CPT1A: variants seen among roughly 807,000 people sequenced by gnomAD.
The protein encoded by CPT1A is carnitine palmitoyltransferase 1A.
CPT1A carries 64 observed loss-of-function variants against 100.8 expected under a neutral mutation model. The ratio of observed to expected loss-of-function variants is 0.63; its 90% CI spans 0.52 to 0.78. The LOEUF is 0.78. CPT1A is among the 30% of genes least tolerant of loss of function. The probability of loss-of-function intolerance (pLI) is 0.00; values close to 1 mark genes in which losing one functional copy is unlikely to be tolerated. For missense variants in CPT1A, 802 were observed against 1,034.1 expected (o/e 0.78, Z 3.08); for synonymous variants, 363 against 396.0 (o/e 0.92, Z 0.99).
In CPT1A at chr11:68,773,127, C is replaced by T. The variant is rs113604129; in HGVS notation, c.1740+138G>A. The T allele has an allele frequency of 2.2e-4, 331 of 1,486,902 alleles. 1 individual carries two copies. The African/African-American group carries it at 4.0e-3, about 18-fold the overall frequency. The allele number at this position is 1,486,902 out of a possible 1,614,324, so 92.1% of individuals were successfully genotyped here. A position where few individuals can be genotyped will look rare whatever the true frequency, so the allele number is the denominator to read the frequency against. Reference sequence around the variant, plus strand: ...GAAACACCCAACGCCACCCGGCCCCCGGAGACCGGGGTCGGGGGGAGCTGT... The same window carrying T: ...GAAACACCCAACGCCACCCGGCCCCTGGAGACCGGGGTCGGGGGGAGCTGT... On this transcript the variant is annotated intron_variant, in intron 14 of 18. Transcript: ENST00000265641.
intron 14 of CPT1A, among the ~76,000 whole-genome samples, chr11:68,763,665 C>T (rs1009903455): frequency 2.6e-5 from 4 of 152,054 alleles, no homozygotes; most frequent in Non-Finnish European, 4.4e-5. Flanking sequence ...CAGAAGAAAG[C>T]GGGCCTGCTG....
At chr11:68,829,045 T>G (rs541267875) in intron 1 of CPT1A, among the ~76,000 whole-genome samples, 1 of 152,254 alleles carries the variant, frequency 6.6e-6, no homozygotes, top group South Asian at 2.1e-4. Context: ...CTTCACCAGC[T>G]GACAATGAAT....
intron 9 of CPT1A, among the ~76,000 whole-genome samples, chr11:68,791,599 C>T (rs769063548): frequency 2.0e-5 from 3 of 152,072 alleles, no homozygotes; most frequent in Non-Finnish European, 4.4e-5. Flanking sequence ...TGCAGTGGCA[C>T]AATCTCAGTT....
At chr11:68,805,490 C>T (rs1323481216) in intron 4 of CPT1A, among the ~76,000 whole-genome samples, 2 of 151,886 alleles carry the variant, frequency 1.3e-5, no homozygotes, top group Admixed American at 1.3e-4. Context: ...AGTGGAGTCC[C>T]GGTGTGTGGT....
intron 11 of CPT1A, 33 bp from the exon 12 acceptor site, chr11:68,780,778 G>C: frequency 6.4e-7 from 1 of 1,559,756 alleles, no homozygotes; most frequent in Non-Finnish European, 8.8e-7. Context: ...GAACTTAAGT[G>C]TTTAAAGAGG....
chr11:68,755,197 T>C lies in CPT1A; in HGVS notation c.*2447A>G, dbSNP rs897228542. On this transcript the variant is annotated 3_prime_UTR_variant, in exon 19 of 19. Coordinates refer to ENST00000265641, the MANE Select transcript of CPT1A (RefSeq NM_001876.4). ...AAAACCTGAGAGAGAAACCCAAATA[T>C]GTTTAAGCACTCACGTCTACACTCA... is the stretch of plus-strand genomic sequence containing the variant. 3 of 278,990 alleles carry C rather than the reference T, an allele frequency of 1.1e-5. No homozygotes were observed. In the Admixed American group the frequency reaches 1.4e-4, roughly 13 times the overall value. 17.3% of individuals were successfully genotyped at this position (278,990 alleles called of 1,614,324 possible). A position where few individuals can be genotyped will look rare whatever the true frequency, so the allele number is the denominator to read the frequency against.
At chr11:68,772,966 T>G (rs1440277038) in intron 14 of CPT1A, among the ~76,000 whole-genome samples, 3 of 152,162 alleles carry the variant, frequency 2.0e-5, no homozygotes, top group South Asian at 2.1e-4. Flanking sequence ...CGGGGCTTAT[T>G]ATGGGGCTTA....
chr11:68,819,647 G>A (rs1476694409), intron 1 of CPT1A, among the ~76,000 whole-genome samples: 1 of 152,218 alleles, frequency 6.6e-6, no homozygotes, highest in African/African-American at 2.4e-5. Context: ...CTGATAGGAA[G>A]AGTCAGACTG....
rs182698117 is a variant in CPT1A, at chr11:68,780,321, C to T, written c.1458+319G>A. Among the ~76,000 whole-genome samples the T allele has an allele frequency of 6.9e-4, 105 of 152,300 alleles. 1 individual carries two copies. The highest frequency in any genetic ancestry group is 6.6e-3 in the Admixed American group (101 of 15,292). The stretch of plus-strand genomic sequence containing the variant: ...TTTTTGAGACAGAGTCTCGCTCTGT[C>T]GCCCAGGCCGGAGTGCAGTGGCACG... On this transcript the variant is annotated intron_variant, in intron 12 of 18. Coordinates refer to ENST00000265641, the MANE Select transcript of CPT1A (RefSeq NM_001876.4).
At chr11:68,769,351 C>A (rs1426900750) in intron 14 of CPT1A, among the ~76,000 whole-genome samples, 2 of 152,182 alleles carry the variant, frequency 1.3e-5, no homozygotes, top group Admixed American at 6.5e-5. Context: ...ATCCTCCCAC[C>A]TTAGCCTCCG....
At chr11:68,776,756 G>A (rs574698443) in intron 12 of CPT1A, among the ~76,000 whole-genome samples, 40 of 152,322 alleles carry the variant, frequency 2.6e-4, no homozygotes, top group East Asian at 9.7e-4. Flanking sequence ...ATGCACGCCT[G>A]TAATCCCAGC....
At chr11:68,785,956 T>G (rs1373677076) in intron 9 of CPT1A, 1 of 699,014 alleles carries the variant, frequency 1.4e-6, no homozygotes, top group Non-Finnish European at 2.6e-6. Flanking sequence ...TGAAGTACGT[T>G]CACTCCACGA....
Position 68,841,019 on chromosome 11 carries a change from T to C in CPT1A, c.-14+756A>G, listed in dbSNP as rs1857146767. On this transcript the variant is annotated intron_variant, in intron 1 of 18. Transcript: ENST00000265641. The surrounding 1 kb of genome is among the most constrained non-coding windows in gnomAD (Gnocchi z 6.3). Reference sequence around the variant, plus strand: ...GGCACTGGGCCCGGCACCCTCATCCTGCTCACGGCAGCGCTCGGACCGCGC... The same window carrying C: ...GGCACTGGGCCCGGCACCCTCATCCCGCTCACGGCAGCGCTCGGACCGCGC... Among the ~76,000 whole-genome samples, 1 of 152,320 alleles carries C rather than the reference T, an allele frequency of 6.6e-6. No individual in the cohort carries two copies. Among genetic ancestry groups the C allele is most frequent in the East Asian group, 1.9e-4 (1 of 5,178 alleles).
rs138740741 is a variant in CPT1A, at chr11:68,789,437, C to T, written c.967+3878G>A. The stretch of plus-strand genomic sequence containing the variant: ...TTTTTGACAGGGTCTTGCTCTGTCA[C>T]CCAGGCTGGAGTGCAGTGGTGCGAT... On this transcript the variant is annotated intron_variant, in intron 9 of 18. Transcript: ENST00000265641. Among the ~76,000 whole-genome samples, 989 of 152,064 alleles carry T rather than the reference C, an allele frequency of 6.5e-3. 14 individuals carry two copies. The highest frequency in any genetic ancestry group is 0.022 in the African/African-American group (893 of 41,466).
At chr11:68,833,011 T>C (rs777739863) in intron 1 of CPT1A, among the ~76,000 whole-genome samples, 4 of 152,150 alleles carry the variant, frequency 2.6e-5, no homozygotes, top group Non-Finnish European at 5.9e-5. Flanking sequence ...TACAACACAT[T>C]CTTGGATGCC....
At chr11:68,818,196 A>C (rs1271101350) in intron 1 of CPT1A, among the ~76,000 whole-genome samples, 1 of 152,104 alleles carries the variant, frequency 6.6e-6, no homozygotes. Context: ...AATGACCCAC[A>C]CAAGACAGTC....
chr11:68,821,737 TC>T (rs1217889945), intron 1 of CPT1A, among the ~76,000 whole-genome samples: 3 of 152,230 alleles, frequency 2.0e-5, no homozygotes, highest in African/African-American at 7.2e-5. Flanking sequence ...ATGTTTTCAA[TC>T]CTTGGTTGGT....
chr11:68,841,884 G>A lies in CPT1A; in HGVS notation c.-123C>T. The A allele has an allele frequency of 6.1e-6, 6 of 986,644 alleles. No homozygotes were observed. Among genetic ancestry groups the A allele is most frequent in the Non-Finnish European group, 7.2e-6 (6 of 831,118 alleles). 61.1% of individuals were successfully genotyped at this position (986,644 alleles called of 1,614,324 possible). The stretch of plus-strand genomic sequence containing the variant: ...CCGGGGAAGGAGGGCCGCGGGCGAG[G>A]CCGAGCGCACCCGACGCCGGCAGCA... On this transcript the variant is annotated 5_prime_UTR_variant, in exon 1 of 19. Transcript: ENST00000265641. The surrounding 1 kb of genome is among the most constrained non-coding windows in gnomAD (Gnocchi z 6.3).
intron 1 of CPT1A, among the ~76,000 whole-genome samples, chr11:68,816,805 GGTAT>G (rs1264937494): frequency 6.8e-6 from 1 of 146,488 alleles, no homozygotes; most frequent in African/African-American, 2.5e-5. Context: ...ACGTGTGTGT[GGTAT>G]GTGTGTGTGG....
Sources: allele counts gnomAD v4.1 joint callset (sites outside exome capture counted in the v4.1 genomes callset), GRCh38; gene constraint gnomAD v4.1.1; non-coding constraint Gnocchi (gnomAD v3.1); transcripts MANE v1.5; gene names NCBI Gene and HGNC (gene_info 2026-07-23, HGNC 2026-07-21).